The following FAM78B variants were observed in gnomAD, a reference collection of about 807,000 sequenced individuals.
The protein encoded by FAM78B is protein FAM78B.
FAM78B carries 10 observed loss-of-function variants against 20.0 expected under a neutral mutation model. The ratio of observed to expected loss-of-function variants is 0.50; its 90% CI spans 0.31 to 0.85. FAM78B has a LOEUF of 0.85. Among genes scored for constraint, FAM78B ranks in the 40% least tolerant of loss-of-function variants. FAM78B has a pLI of 0.05. For missense variants in FAM78B, 283 were observed against 345.0 expected (o/e 0.82, Z 1.42); for synonymous variants, 135 against 132.8 (o/e 1.02, Z -0.12).
At chr1:166,128,378 T>A (rs1023428929) in intron 1 of FAM78B, among the ~76,000 whole-genome samples, 4 of 152,200 alleles carry the variant, frequency 2.6e-5, no homozygotes, top group African/African-American at 9.7e-5. Flanking sequence ...AGTCAGCAGG[T>A]GGACAGAGCC....
intron 1 of FAM78B, among the ~76,000 whole-genome samples, chr1:166,072,655 A>C (rs1294794926): frequency 6.6e-6 from 1 of 152,188 alleles, no homozygotes; most frequent in African/African-American, 2.4e-5. Context: ...CTTCAGTCAC[A>C]ATACATCTAT....
chr1:166,129,588 C>T (rs1425614038), intron 1 of FAM78B, among the ~76,000 whole-genome samples: 2 of 152,158 alleles, frequency 1.3e-5, no homozygotes, highest in African/African-American at 4.8e-5. Context: ...CTCCAGTGCT[C>T]GAACTTCCTG....
At chr1:166,091,997 G>A (rs1435608424) in intron 1 of FAM78B, among the ~76,000 whole-genome samples, 1 of 151,008 alleles carries the variant, frequency 6.6e-6, no homozygotes, top group Non-Finnish European at 1.5e-5. Flanking sequence ...GGAGAACCTG[G>A]ACAGACACTG....
At chr1:166,080,151 C>T (rs1357543879) in intron 1 of FAM78B, among the ~76,000 whole-genome samples, 1 of 152,092 alleles carries the variant, frequency 6.6e-6, no homozygotes, top group East Asian at 1.9e-4. Flanking sequence ...CATGATGCCT[C>T]CCTAGTACAA....
intron 1 of FAM78B, among the ~76,000 whole-genome samples, chr1:166,156,708 T>C (rs1655909970): frequency 6.6e-6 from 1 of 152,162 alleles, no homozygotes; most frequent in African/African-American, 2.4e-5. Flanking sequence ...CACAAATGAT[T>C]TCAGGTGTTG....
Position 166,075,132 on chromosome 1 carries a change from G to A in FAM78B, c.264-4369C>T, listed in dbSNP as rs554507539. On this transcript the variant is annotated intron_variant, in intron 1 of 1. Transcript: ENST00000354422. ...TAGGCACCTGGGCTGCATCCTAGAG[G>A]TGGTGAGACTTTTGCTCAGGAGAGT... Among the ~76,000 whole-genome samples, 5 of 152,294 alleles carry A rather than the reference G, an allele frequency of 3.3e-5. No individual in the cohort carries two copies. The South Asian group carries it at 1.0e-3, about 32-fold the overall frequency.
intron 1 of FAM78B, among the ~76,000 whole-genome samples, chr1:166,098,101 G>A (rs555147586): frequency 1.3e-4 from 20 of 152,120 alleles, no homozygotes; most frequent in Non-Finnish European, 2.6e-4. Flanking sequence ...GGGTAGACTC[G>A]CTGGGTGGCT....
chr1:166,126,736 T>G lies in FAM78B; in HGVS notation c.263+39250A>C, dbSNP rs146055014. Among the ~76,000 whole-genome samples, 22 of 152,302 alleles carry G rather than the reference T, an allele frequency of 1.4e-4. 1 individual carries two copies. The highest frequency in any genetic ancestry group is 4.6e-4 in the African/African-American group (19 of 41,556). On this transcript the variant is annotated intron_variant, in intron 1 of 1. Coordinates refer to ENST00000354422, the MANE Select transcript of FAM78B (RefSeq NM_001017961.5). ...AATACATGATAATTATTGCATTATGTAGGCTACAATATTGAGTACCAATAT... is the reference window on the plus strand; with the variant it reads ...AATACATGATAATTATTGCATTATGGAGGCTACAATATTGAGTACCAATAT...
intron 1 of FAM78B, among the ~76,000 whole-genome samples, chr1:166,123,239 G>A (rs1654525812): frequency 6.6e-6 from 1 of 152,192 alleles, no homozygotes; most frequent in Non-Finnish European, 1.5e-5. Flanking sequence ...CCCCCACCCT[G>A]GACCACCTGT....
chr1:166,138,420 T>C (rs1213747511), intron 1 of FAM78B, among the ~76,000 whole-genome samples: 1 of 152,122 alleles, frequency 6.6e-6, no homozygotes, highest in Non-Finnish European at 1.5e-5. Flanking sequence ...CAATGCATGT[T>C]TCTAAAGTAC....
intron 1 of FAM78B, among the ~76,000 whole-genome samples, chr1:166,112,116 A>G (rs914884991): frequency 3.9e-5 from 6 of 152,218 alleles, no homozygotes; most frequent in Non-Finnish European, 7.3e-5. Flanking sequence ...TTCTTGGGGT[A>G]TATCTGTCCA....
chr1:166,067,771 T>A (rs1157284792), downstream of FAM78B, among the ~76,000 whole-genome samples: 2 of 152,218 alleles, frequency 1.3e-5, no homozygotes, highest in African/African-American at 4.8e-5. Context: ...ATGGTACCAA[T>A]AACAATAATC....
At chr1:166,120,784 G>A (rs1463600732) in intron 1 of FAM78B, among the ~76,000 whole-genome samples, 4 of 152,206 alleles carry the variant, frequency 2.6e-5, no homozygotes, top group East Asian at 1.9e-4. Flanking sequence ...GGACATCCAC[G>A]GTGAACTCAC....
At chr1:166,106,806 T>A (rs147028504) in intron 1 of FAM78B, among the ~76,000 whole-genome samples, 1 of 152,108 alleles carries the variant, frequency 6.6e-6, no homozygotes, top group Non-Finnish European at 1.5e-5. Context: ...GGATCACTTA[T>A]ACCCGAAACC....
chr1:166,075,483 C>T (rs1431844745), intron 1 of FAM78B, among the ~76,000 whole-genome samples: 5 of 152,146 alleles, frequency 3.3e-5, no homozygotes, highest in Non-Finnish European at 7.4e-5. Context: ...CTGTCCCTGA[C>T]ATTTTACACC....
At chr1:166,068,338 T>TAAC (rs1187505335), downstream of FAM78B, among the ~76,000 whole-genome samples, 1 of 152,200 alleles carries the variant, frequency 6.6e-6, no homozygotes, top group East Asian at 1.9e-4. Context: ...ATGCCAAACA[T>TAAC]AACAGCTGAA....
At chr1:166,124,947 A>G (rs1439748780) in intron 1 of FAM78B, among the ~76,000 whole-genome samples, 1 of 152,162 alleles carries the variant, frequency 6.6e-6, no homozygotes, top group Non-Finnish European at 1.5e-5. Context: ...CCCTACACCC[A>G]CCAGGTCACC....
At chr1:166,130,672 C>G (rs537319458) in intron 1 of FAM78B, among the ~76,000 whole-genome samples, 1 of 152,178 alleles carries the variant, frequency 6.6e-6, no homozygotes, top group South Asian at 2.1e-4. Context: ...ATTGAGAAAC[C>G]CTGAATACTT....
At chr1:166,165,775 C>G (rs1437836102) in intron 1 of FAM78B, among the ~76,000 whole-genome samples, 1 of 152,098 alleles carries the variant, frequency 6.6e-6, no homozygotes, top group Non-Finnish European at 1.5e-5. Context: ...AGAAGCAAAC[C>G]ACGAGAAAAT....
Sources: gnomAD v4.1 joint callset for allele counts (sites outside exome capture counted in the v4.1 genomes callset) on GRCh38, gnomAD v4.1.1 for gene constraint, MANE v1.5 for transcripts, NCBI Gene and HGNC (gene_info 2026-07-23, HGNC 2026-07-21) for gene names.